Variants in CNTN6 observed in about 807,000 individuals in gnomAD.
The protein encoded by CNTN6 is contactin-6.
In CNTN6, 137 loss-of-function variants were observed where a neutral mutation model predicts 122.8. The observed-to-expected ratio is 1.12, with a 90% confidence interval of 0.97 to 1.29. The LOEUF is 1.29. CNTN6 is among the 50% of genes most tolerant of loss of function. The pLI, the probability that CNTN6 is intolerant of heterozygous loss-of-function variation, is 0.00. For synonymous variants in CNTN6, 570 were observed against 426.0 expected (o/e 1.34, Z -4.16); for missense variants, 1,634 against 1,223.4 (o/e 1.34, Z -5.01).
At chr3:1,205,975 A>T (rs74745277) in intron 2 of CNTN6, among the ~76,000 whole-genome samples, 1 of 152,300 alleles carries the variant, frequency 6.6e-6, no homozygotes, top group African/African-American at 2.4e-5. Flanking sequence ...TTGCATTTCA[A>T]TGACCAAAAG....
Position 1,148,026 on chromosome 3 carries a change from AC to A in CNTN6, c.19del (p.Leu7TrpfsTer2). 3 of 1,607,480 alleles carry A rather than the reference AC, an allele frequency of 1.9e-6. No individual in the cohort carries two copies. In the South Asian group the frequency reaches 3.3e-5, roughly 18 times the overall value. On this transcript the variant is annotated frameshift_variant, in exon 2 of 23. Transcript: ENST00000446702. LOFTEE classifies it high-confidence loss of function. MRLLWK[L>X]VILLPLINSS... ...AAGTGGAAATGAGGTTGCTATGGAA[AC>A]TGGTAATTCTGCTGCCACTCATAAA...
chr3:1,293,257 C>CT (rs1482962148), intron 5 of CNTN6, among the ~76,000 whole-genome samples: 6 of 151,534 alleles, frequency 4.0e-5, no homozygotes, highest in African/African-American at 1.2e-4. Flanking sequence ...TTTCTTTCTC[C>CT]TTTTTTCCTT....
chr3:1,376,289 G>A (rs1348448892), intron 16 of CNTN6, among the ~76,000 whole-genome samples: 1 of 152,032 alleles, frequency 6.6e-6, no homozygotes, highest in Non-Finnish European at 1.5e-5. Flanking sequence ...TATTCATTGT[G>A]TTAGTCCTTA....
At position 1,366,588 on chromosome 3, in the gene CNTN6, T is replaced by C. The variant is rs1708249515; in HGVS notation, c.1493-5711T>C. 2.0e-5 allele frequency among the ~76,000 whole-genome samples: 3 copies of C among 152,112 alleles called. No homozygotes were observed. In the South Asian group the frequency reaches 6.2e-4, roughly 32 times the overall value. ...TTTCCACAAAGTAGCATGAACAGTTTTGCATATTTCAACTGTGCAAGCACC... is the reference window on the plus strand; with the variant it reads ...TTTCCACAAAGTAGCATGAACAGTTCTGCATATTTCAACTGTGCAAGCACC... On this transcript the variant is annotated intron_variant, in intron 12 of 22. Transcript: ENST00000446702.
At chr3:1,241,102 A>G (rs2125606070) in intron 4 of CNTN6, among the ~76,000 whole-genome samples, 1 of 152,198 alleles carries the variant, frequency 6.6e-6, no homozygotes, top group South Asian at 2.1e-4. Flanking sequence ...GCAGGAACAA[A>G]TCACAATGGT....
intron 4 of CNTN6, among the ~76,000 whole-genome samples, chr3:1,245,245 C>A (rs78457738): frequency 7.1e-5 from 1 of 14,132 alleles, no homozygotes; most frequent in Non-Finnish European, 1.4e-4. Context: ...TACACACACA[C>A]ATATATATAT....
chr3:1,159,153 G>A (rs968219932), intron 2 of CNTN6, among the ~76,000 whole-genome samples: 2 of 151,720 alleles, frequency 1.3e-5, no homozygotes, highest in Admixed American at 1.3e-4. Context: ...ACTGGATTGT[G>A]TTCAAATTAC....
intron 1 of CNTN6, among the ~76,000 whole-genome samples, chr3:1,144,597 A>T (rs555917781): frequency 1.9e-4 from 21 of 112,248 alleles, no homozygotes; most frequent in East Asian, 1.8e-3. Flanking sequence ...ATAATAATAA[A>T]AAATAAAAAA....
At chr3:1,171,153 A>C (rs2093351430) in intron 2 of CNTN6, among the ~76,000 whole-genome samples, 1 of 152,202 alleles carries the variant, frequency 6.6e-6, no homozygotes, top group African/African-American at 2.4e-5. Flanking sequence ...CCCTGGGCTT[A>C]AATGTCTACT....
Position 1,403,338 on chromosome 3 carries a change from C to A in CNTN6, c.3007C>A (p.Gln1003Lys), listed in dbSNP as rs1209846845. ...TGCAGGTTTGAGTTCCAGAGGAATT[C>A]AATTCTTAGAACCTAGCACCCATTT... is the stretch of plus-strand genomic sequence containing the variant. ...KMSSLSSRGI[Q>K]FLEPSTHFLS... Residue 1003 changes from glutamine to lysine, a missense_variant, in exon 23 of 23, where the codon CAA (glutamine) becomes AAA (lysine). By Grantham distance (53) the Gln-to-Lys change is moderately conservative (BLOSUM62 1). Coordinates refer to ENST00000446702, the MANE Select transcript of CNTN6 (RefSeq NM_001289080.2). 1.2e-6 allele frequency: 2 copies of A among 1,609,136 alleles called. No individual in the cohort carries two copies. The highest frequency in any genetic ancestry group is 8.5e-7 in the Non-Finnish European group (1 of 1,177,390).
At chr3:1,199,325 G>T (rs1299773952) in intron 2 of CNTN6, among the ~76,000 whole-genome samples, 1 of 151,862 alleles carries the variant, frequency 6.6e-6, no homozygotes, top group Admixed American at 6.6e-5. Context: ...GACTACAGGT[G>T]TATGCCACCA....
intron 4 of CNTN6, among the ~76,000 whole-genome samples, chr3:1,235,167 T>C (rs1047394730): frequency 1.3e-5 from 2 of 152,162 alleles, no homozygotes; most frequent in African/African-American, 4.8e-5. Flanking sequence ...TTTTAGTTCA[T>C]TTGAATAAAA....
chr3:1,179,420 A>G (rs1454892118), intron 2 of CNTN6, among the ~76,000 whole-genome samples: 2 of 152,084 alleles, frequency 1.3e-5, no homozygotes, highest in African/African-American at 4.8e-5. Context: ...TCAGCCCGGG[A>G]GCGTGGTGGT....
intron 3 of CNTN6, among the ~76,000 whole-genome samples, chr3:1,221,672 A>C (rs2094209356): frequency 6.6e-6 from 1 of 152,192 alleles, no homozygotes; most frequent in African/African-American, 2.4e-5. Context: ...TTTGCTTCAT[A>C]TTGTGGGTGG....
At chr3:1,353,459 T>C (rs1706006835) in intron 12 of CNTN6, among the ~76,000 whole-genome samples, 1 of 151,722 alleles carries the variant, frequency 6.6e-6, no homozygotes, top group Non-Finnish European at 1.5e-5. Flanking sequence ...TCTGAAGTAT[T>C]CTGGGGAAAT....
At chr3:1,381,003 G>C (rs155392) in intron 17 of CNTN6, among the ~76,000 whole-genome samples, 52,016 of 151,904 alleles carry the variant, frequency 0.34, 9,251 homozygotes, top group East Asian at 0.58. Context: ...ACTCTCTGTT[G>C]ATGTAAGAAT....
intron 2 of CNTN6, among the ~76,000 whole-genome samples, chr3:1,160,578 C>A (rs573473920): frequency 6.7e-6 from 1 of 149,806 alleles, no homozygotes; most frequent in Admixed American, 6.7e-5. Context: ...TTTAAAAGGA[C>A]CTAAGTGCTT....
chr3:1,291,296 T>C (rs1695275226), intron 5 of CNTN6, among the ~76,000 whole-genome samples: 1 of 152,210 alleles, frequency 6.6e-6, no homozygotes, highest in Non-Finnish European at 1.5e-5. Context: ...AGCTTCTAAA[T>C]ATCTCACTAT....
intron 4 of CNTN6, among the ~76,000 whole-genome samples, chr3:1,253,216 G>C (rs1238921425): frequency 1.3e-5 from 2 of 152,078 alleles, no homozygotes; most frequent in African/African-American, 4.8e-5. Flanking sequence ...TCCTTACCAA[G>C]CCCAGCATTG....
Sources: allele counts gnomAD v4.1 joint callset (sites outside exome capture counted in the v4.1 genomes callset), GRCh38; gene constraint gnomAD v4.1.1; transcripts MANE v1.5; gene names NCBI Gene and HGNC (gene_info 2026-07-23, HGNC 2026-07-21).